The following DTWD2 variants were observed in gnomAD, a reference collection of about 807,000 sequenced individuals.
DTWD2 encodes DTW motif tRNA-uridine aminocarboxypropyltransferase 2, also known as tRNA-uridine aminocarboxypropyltransferase 2.
In DTWD2, 39 loss-of-function variants were observed where a neutral mutation model predicts 31.8. The observed-to-expected ratio is 1.22, with a 90% CI of 0.95 to 1.60. The LOEUF is 1.60. DTWD2 is among the 40% of genes most tolerant of loss of function. The probability of loss-of-function intolerance (pLI) is 0.00; values close to 1 mark genes in which losing one functional copy is unlikely to be tolerated. For synonymous variants in DTWD2, 180 were observed against 142.8 expected (o/e 1.26, Z -1.86); for missense variants, 515 against 381.5 (o/e 1.35, Z -2.92).
At position 118,935,711 on chromosome 5, in the gene DTWD2, T is replaced by C. The variant is rs190864880; in HGVS notation, c.404+3485A>G. Among the ~76,000 whole-genome samples the C allele has an allele frequency of 3.0e-4, 45 of 152,234 alleles. No individual in the cohort carries two copies. The East Asian group carries it at 7.7e-3, about 26-fold the overall frequency. On this transcript the variant is annotated intron_variant, in intron 3 of 5. Coordinates refer to ENST00000510708, the MANE Select transcript of DTWD2 (RefSeq NM_173666.4). ...TAACATAATAATACGAAATACATAT[T>C]CACCTACTTGAAGAGTTTTCAAATA...
chr5:118,976,140 A>G (rs930386316), intron 1 of DTWD2, among the ~76,000 whole-genome samples: 2 of 152,238 alleles, frequency 1.3e-5, no homozygotes, highest in East Asian at 3.8e-4. Flanking sequence ...CTCTGAAACC[A>G]ATGAGAACAA....
chr5:118,912,090 G>C (rs748056199), intron 4 of DTWD2, among the ~76,000 whole-genome samples: 4 of 152,200 alleles, frequency 2.6e-5, no homozygotes, highest in African/African-American at 4.8e-5. Context: ...GCACTGTTTG[G>C]TAATTACTCT....
chr5:118,844,340 A>G (rs1751796923), intron 5 of DTWD2, among the ~76,000 whole-genome samples: 1 of 152,212 alleles, frequency 6.6e-6, no homozygotes, highest in Non-Finnish European at 1.5e-5. Flanking sequence ...TAAGTAGAAA[A>G]GGTTCTGTAA....
At chr5:118,882,178 G>C (rs187226927) in intron 4 of DTWD2, among the ~76,000 whole-genome samples, 1 of 152,156 alleles carries the variant, frequency 6.6e-6, no homozygotes, top group Non-Finnish European at 1.5e-5. Flanking sequence ...ACCACAGGCC[G>C]CATGCAAGTC....
chr5:118,919,097 A>C (rs1001332906), intron 4 of DTWD2, among the ~76,000 whole-genome samples: 2 of 152,248 alleles, frequency 1.3e-5, no homozygotes, highest in Admixed American at 6.5e-5. Flanking sequence ...TTATCCTGAC[A>C]GGAAACACGG....
chr5:118,926,034 G>T (rs1328116475), intron 4 of DTWD2, among the ~76,000 whole-genome samples: 1 of 151,962 alleles, frequency 6.6e-6, no homozygotes, highest in African/African-American at 2.4e-5. Context: ...GGAGTTCAAG[G>T]CCAGCCTGGA....
At chr5:118,908,115 C>G (rs1042889599) in intron 4 of DTWD2, among the ~76,000 whole-genome samples, 12 of 152,146 alleles carry the variant, frequency 7.9e-5, no homozygotes, top group Admixed American at 2.6e-4. Flanking sequence ...CTCAGGACTT[C>G]TGTGTCCATG....
At chr5:118,965,279 G>C (rs960072428) in intron 1 of DTWD2, among the ~76,000 whole-genome samples, 2 of 148,300 alleles carry the variant, frequency 1.3e-5, no homozygotes, top group Non-Finnish European at 3.0e-5. Flanking sequence ...GGCAGCCCCC[G>C]CCCGGCCAGC....
intron 3 of DTWD2, among the ~76,000 whole-genome samples, chr5:118,937,360 G>A (rs571312574): frequency 6.1e-4 from 90 of 147,932 alleles, no homozygotes; most frequent in Middle Eastern, 3.4e-3. Context: ...AGCCATGAAG[G>A]CAGCTCTTAT....
At chr5:118,943,351 A>C (rs1157824389) in intron 2 of DTWD2, among the ~76,000 whole-genome samples, 2 of 152,116 alleles carry the variant, frequency 1.3e-5, no homozygotes, top group Admixed American at 6.5e-5. Flanking sequence ...GGAGATCGAG[A>C]CCATCCTGGC....
Position 118,910,350 on chromosome 5 carries a change from A to G in DTWD2, c.597+18187T>C, listed in dbSNP as rs565554896. Among the ~76,000 whole-genome samples, 21 of 152,330 alleles carry G rather than the reference A, an allele frequency of 1.4e-4. No individual in the cohort carries two copies. The South Asian group carries it at 4.3e-3, about 32-fold the overall frequency. The stretch of plus-strand genomic sequence containing the variant: ...CACAAATCACTAGGACACCAACACA[A>G]TTCTGCCAAGGTCTTTATTACTTTA... On this transcript the variant is annotated intron_variant, in intron 4 of 5. Transcript: ENST00000510708.
intron 5 of DTWD2, among the ~76,000 whole-genome samples, chr5:118,846,868 C>G (rs1162288793): frequency 6.8e-6 from 1 of 146,986 alleles, no homozygotes; most frequent in Non-Finnish European, 1.5e-5. Flanking sequence ...TTTTCAAAAG[C>G]AGAGAAAGTG....
chr5:118,895,007 C>G (rs930658579), intron 4 of DTWD2, among the ~76,000 whole-genome samples: 1 of 151,904 alleles, frequency 6.6e-6, no homozygotes, highest in Non-Finnish European at 1.5e-5. Context: ...AAGTCCTGGC[C>G]AGAAAAATTA....
chr5:118,915,986 A>G (rs1443529715), intron 4 of DTWD2, among the ~76,000 whole-genome samples: 2 of 152,252 alleles, frequency 1.3e-5, no homozygotes, highest in African/African-American at 4.8e-5. Flanking sequence ...TGGATAAACA[A>G]CAAAAGGGAA....
chr5:118,847,333 T>C (rs78004308), intron 5 of DTWD2, among the ~76,000 whole-genome samples: 2,264 of 152,236 alleles, frequency 0.015, 62 homozygotes, highest in African/African-American at 0.052. Flanking sequence ...TATAAATCCC[T>C]TTTAGTTGTG....
chr5:118,978,114 G>T (rs1323824211), intron 1 of DTWD2, among the ~76,000 whole-genome samples: 2 of 78,104 alleles, frequency 2.6e-5, no homozygotes, highest in Admixed American at 1.6e-4. Context: ...AGGATTCCCT[G>T]CTTTTTTTTT....
At chr5:118,952,288 C>T (rs1754484305) in intron 1 of DTWD2, among the ~76,000 whole-genome samples, 1 of 152,164 alleles carries the variant, frequency 6.6e-6, no homozygotes, top group African/African-American at 2.4e-5. Context: ...CCAAATGTCA[C>T]GCGCGTCCGT....
intron 4 of DTWD2, among the ~76,000 whole-genome samples, chr5:118,924,248 G>C (rs535765390): frequency 2.0e-5 from 3 of 152,138 alleles, no homozygotes; most frequent in Non-Finnish European, 4.4e-5. Context: ...TTAATCTCCT[G>C]CTTCCTACAG....
chr5:118,869,644 A>G (rs1251776214), intron 4 of DTWD2, among the ~76,000 whole-genome samples: 3 of 152,208 alleles, frequency 2.0e-5, no homozygotes, highest in Non-Finnish European at 4.4e-5. Flanking sequence ...ATCTCTTTCC[A>G]CAAACAATTT....
Sources: allele counts gnomAD v4.1 joint callset (sites outside exome capture counted in the v4.1 genomes callset), GRCh38; gene constraint gnomAD v4.1.1; transcripts MANE v1.5; gene names NCBI Gene and HGNC (gene_info 2026-07-23, HGNC 2026-07-21).